Variants in NDUFS2 observed in about 807,000 individuals in gnomAD.
NDUFS2 encodes NADH:ubiquinone oxidoreductase core subunit S2.
Under a neutral mutation model 69.6 loss-of-function variants are expected in NDUFS2, and 38 were observed. The ratio of observed to expected loss-of-function variants is 0.55; its 90% CI spans 0.42 to 0.72. The LOEUF (loss-of-function observed/expected upper bound fraction) is 0.72. Ranked by LOEUF, NDUFS2 falls within the 30% of genes least tolerant of loss-of-function variation. The pLI, the probability that NDUFS2 is intolerant of heterozygous loss-of-function variation, is 0.00. For missense variants in NDUFS2, 468 were observed against 595.0 expected, an observed-to-expected ratio of 0.79 and a Z score of 2.22; for synonymous variants, 194 against 211.2, an observed-to-expected ratio of 0.92 and a Z score of 0.70.
At chr1:161,214,077 A>G in intron 13 of NDUFS2, 79 bp from the exon 14 acceptor site, 1 of 1,613,658 alleles carries the variant, frequency 6.2e-7, no homozygotes, top group Non-Finnish European at 8.5e-7. Flanking sequence ...GATCTTGGGT[A>G]ACACCACTTT....
rs2102049365 is a variant in NDUFS2, at chr1:161,210,642, G to A, written c.918G>A (p.Gln306=). 1.9e-6 allele frequency: 3 copies of A among 1,614,154 alleles called. No homozygotes were observed. In the South Asian group the frequency reaches 3.3e-5, roughly 18 times the overall value. The change falls in exon 9 of 14, where the codon CAG becomes CAA. Residue 306 remains glutamine (Q), a synonymous_variant. Transcript: ENST00000676972. ...TCCAGTGGGACCTGCGGAAGACCCA[G>A]CCCTATGATGTTTACGACCAGGTTG... ...SGIQWDLRKT[Q]PYDVYDQVEF...
intron 9 of NDUFS2, among the ~76,000 whole-genome samples, chr1:161,211,192 C>T (rs1665753846): frequency 6.6e-6 from 1 of 152,202 alleles, no homozygotes; most frequent in South Asian, 2.1e-4. Context: ...TTCTTTTTAT[C>T]TTTACATTAT....
At chr1:161,209,409 C>G in intron 4 of NDUFS2, 74 bp from the exon 5 acceptor site, 1 of 1,608,886 alleles carries the variant, frequency 6.2e-7, no homozygotes, top group Non-Finnish European at 8.5e-7. Flanking sequence ...TGTTCAGACC[C>G]CAGGCTCTGC....
upstream of NDUFS2, chr1:161,198,841 A>G (rs376127189): frequency 4.1e-5 from 20 of 490,422 alleles, no homozygotes; most frequent in African/African-American, 3.7e-4. This position sits in a 1 kb window ranked among gnomAD's most constrained non-coding sequence, Gnocchi z 4.7. Context: ...GGCTTCTCCA[A>G]ACTCTCCTCC....
At chr1:161,202,121 G>A (rs1053000076), upstream of NDUFS2, 16 of 547,796 alleles carry the variant, frequency 2.9e-5, no homozygotes, top group Admixed American at 9.2e-5. Flanking sequence ...ACGCAGGAAC[G>A]GCAATTTTCC....
At chr1:161,201,847 AGCCCC>A (rs1372780575), upstream of NDUFS2, among the ~76,000 whole-genome samples, 9 of 152,346 alleles carry the variant, frequency 5.9e-5, no homozygotes, top group East Asian at 1.7e-3. Context: ...AGACCCGCCC[AGCCCC>A]ACTTAGGCTC....
intron 2 of NDUFS2, among the ~76,000 whole-genome samples, chr1:161,204,816 C>T (rs745383916): frequency 3.9e-5 from 6 of 152,154 alleles, no homozygotes; most frequent in Middle Eastern, 3.4e-3. Flanking sequence ...TTTGGGAGGC[C>T]GAGGTGGGCG....
intron 9 of NDUFS2, among the ~76,000 whole-genome samples, chr1:161,212,064 A>T (rs1304566030): frequency 6.6e-6 from 1 of 151,364 alleles, no homozygotes; most frequent in East Asian, 2.0e-4. Context: ...AAATATTCGG[A>T]TGTGGTGGTG....
rs1299561188 is a variant in NDUFS2 at position 161,213,377 on chromosome 1, C to T, written c.1117-3C>T. 1 of 1,604,198 alleles carries T rather than the reference C, an allele frequency of 6.2e-7. No homozygotes were observed. The highest frequency in any genetic ancestry group is 1.7e-5 in the Admixed American group (1 of 59,494). On this transcript the variant is annotated splice_region_variant and splice_polypyrimidine_tract_variant and intron_variant, in intron 10 of 13. Transcript: ENST00000676972. ...ATTGATGCTCCCTGTTTCCTCTCTTCAGACTTCCATGGAGTCACTGATTCA... is the reference window on the plus strand; with the variant it reads ...ATTGATGCTCCCTGTTTCCTCTCTTTAGACTTCCATGGAGTCACTGATTCA...
chr1:161,201,369 T>C (rs1228262701), upstream of NDUFS2, among the ~76,000 whole-genome samples: 1 of 152,198 alleles, frequency 6.6e-6, no homozygotes, highest in Non-Finnish European at 1.5e-5. Flanking sequence ...CTAGGGGATA[T>C]CTGGGGAAGG....
chr1:161,209,381 CG>C, intron 4 of NDUFS2, 68 bp downstream of exon 4: 1 of 1,612,426 alleles, frequency 6.2e-7, no homozygotes, highest in Non-Finnish European at 8.5e-7. Flanking sequence ...ACCACTTCCC[CG>C]TTGAACCCAA....
intron 13 of NDUFS2, 72 bp downstream of exon 13, chr1:161,213,993 G>T: frequency 6.2e-7 from 1 of 1,613,796 alleles, no homozygotes; most frequent in African/African-American, 1.3e-5. Context: ...GACAGAAGGA[G>T]AACACTTCCT....
Position 161,214,199 on chromosome 1 carries a change from G to A in NDUFS2, c.*6G>A. ...TTGGAGAAGTAGATCGGTGAGCAGG[G>A]GAGCAGCGTTTGATCCCCCCTGCCT... On this transcript the variant is annotated 3_prime_UTR_variant, in exon 14 of 14. Coordinates refer to ENST00000676972, the MANE Select transcript of NDUFS2 (RefSeq NM_001377299.1). The A allele has an allele frequency of 6.2e-7, 1 of 1,612,834 alleles. No individual in the cohort carries two copies. Among genetic ancestry groups the A allele is most frequent in the African/African-American group, 1.3e-5 (1 of 74,944 alleles).
chr1:161,209,730 TTATATTTGTAGAAAC>T, intron 5 of NDUFS2, 112 bp from the exon 6 acceptor site: 1 of 1,283,022 alleles, frequency 7.8e-7, no homozygotes, highest in Non-Finnish European at 1.1e-6. Context: ...TTAACTTGGG[TTATATTTGTAGAAAC>T]TATATCATGA....
upstream of NDUFS2, among the ~76,000 whole-genome samples, chr1:161,201,312 G>GC (rs1335029737): frequency 6.6e-6 from 1 of 152,216 alleles, no homozygotes; most frequent in Non-Finnish European, 1.5e-5. Context: ...TGGTCTGTCT[G>GC]CCTCACCCTG....
chr1:161,204,660 A>G (rs1292820583), intron 2 of NDUFS2, among the ~76,000 whole-genome samples: 1 of 152,194 alleles, frequency 6.6e-6, no homozygotes, highest in East Asian at 1.9e-4. Flanking sequence ...ACAATAGCTG[A>G]GTGCTTACCA....
chr1:161,198,501 C>T (rs1055139790), upstream of NDUFS2: 1 of 1,566,776 alleles, frequency 6.4e-7, no homozygotes, highest in African/African-American at 1.4e-5. This position sits in a 1 kb window ranked among gnomAD's most constrained non-coding sequence, Gnocchi z 4.7. Context: ...AGGAGAGAGG[C>T]CAGCAGTAGC....
At chr1:161,204,028 A>G (rs994016275) in intron 2 of NDUFS2, among the ~76,000 whole-genome samples, 15 of 152,368 alleles carry the variant, frequency 9.8e-5, no homozygotes, top group African/African-American at 3.6e-4. Flanking sequence ...TGTGAAGTAG[A>G]GAAGGAAAGG....
chr1:161,209,093 A>G, intron 3 of NDUFS2, 100 bp from the exon 4 acceptor site: 1 of 1,521,652 alleles, frequency 6.6e-7, no homozygotes, highest in South Asian at 1.1e-5. Context: ...AGGCTTATAC[A>G]GCACCAACTT....
Sources: allele counts gnomAD v4.1 joint callset (sites outside exome capture counted in the v4.1 genomes callset), GRCh38; gene constraint gnomAD v4.1.1; non-coding constraint Gnocchi (gnomAD v3.1); transcripts MANE v1.5; gene names NCBI Gene and HGNC (gene_info 2026-07-23, HGNC 2026-07-21).